Variants in SYNE2 observed in about 807,000 individuals in gnomAD.
SYNE2 encodes spectrin repeat containing nuclear envelope protein 2.
SYNE2 carries 431 observed loss-of-function variants against 856.3 expected under a neutral mutation model. The ratio of observed to expected loss-of-function variants is 0.50; its 90% CI spans 0.47 to 0.55. The LOEUF is 0.55. Among genes scored for constraint, SYNE2 ranks in the 20% least tolerant of loss-of-function variants. The probability of loss-of-function intolerance (pLI) is 0.00; values close to 1 mark genes in which losing one functional copy is unlikely to be tolerated. For synonymous variants in SYNE2, 2,923 were observed against 2,872.3 expected, an observed-to-expected ratio of 1.02 and a Z score of -0.56; for missense variants, 8,129 against 8,023.2, an observed-to-expected ratio of 1.01 and a Z score of -0.50.
At chr14:63,907,270 G>C (rs2095419709) in intron 1 of SYNE2, among the ~76,000 whole-genome samples, 1 of 152,170 alleles carries the variant, frequency 6.6e-6, no homozygotes, top group African/African-American at 2.4e-5. Flanking sequence ...TTGTGCAAAT[G>C]AATGAAAACA....
At chr14:64,021,833 G>T in intron 36 of SYNE2, 24 bp from the exon 37 acceptor site, 1 of 1,612,480 alleles carries the variant, frequency 6.2e-7, no homozygotes, top group Non-Finnish European at 8.5e-7. Context: ...AGATTTAATG[G>T]TTGTTGTTTG....
chr14:64,165,854 A>G (rs2098374671), intron 90 of SYNE2, among the ~76,000 whole-genome samples: 1 of 152,140 alleles, frequency 6.6e-6, no homozygotes, highest in African/African-American at 2.4e-5. Context: ...GCCATTCATT[A>G]CTGTCCTATT....
rs764723734 is a variant in SYNE2, at chr14:64,027,676, A to G, written c.6597A>G (p.Leu2199=). 2.6e-5 allele frequency: 42 copies of G among 1,613,966 alleles called. No homozygotes were observed. The highest frequency in any genetic ancestry group is 3.6e-5 in the Non-Finnish European group (42 of 1,179,936). ...AAGCCCAAGATTTGACATCCTTGCT[A>G]AAGGAGTTAAAATCTCAGGGAAACT... is the stretch of plus-strand genomic sequence containing the variant. ...LKKAQDLTSL[L]KELKSQGNYL... The change falls in exon 43 of 116, where the codon CTA becomes CTG. Residue 2199 remains leucine (L), a synonymous_variant. Coordinates refer to ENST00000555002, the MANE Select transcript of SYNE2 (RefSeq NM_182914.3).
At chr14:64,080,976 A>G (rs1229949782) in intron 56 of SYNE2, among the ~76,000 whole-genome samples, 1 of 152,174 alleles carries the variant, frequency 6.6e-6, no homozygotes, top group Non-Finnish European at 1.5e-5. Flanking sequence ...GGAGACAACA[A>G]TGAGAAAGAC....
intron 49 of SYNE2, among the ~76,000 whole-genome samples, chr14:64,061,015 G>A (rs2097312624): frequency 6.6e-6 from 1 of 152,182 alleles, no homozygotes; most frequent in African/African-American, 2.4e-5. Context: ...GGTGAGGAGT[G>A]GCATCAGCAA....
At chr14:64,098,658 A>G (rs2097696629) in intron 62 of SYNE2, 89 bp from the exon 63 acceptor site, 4 of 1,383,982 alleles carry the variant, frequency 2.9e-6, no homozygotes, top group Non-Finnish European at 4.1e-6. Context: ...TAAGTAAAAA[A>G]TTAGCTACAT....
chr14:63,881,660 A>G (rs1350836860), intron 1 of SYNE2, among the ~76,000 whole-genome samples: 1 of 151,002 alleles, frequency 6.6e-6, no homozygotes, highest in African/African-American at 2.4e-5. Flanking sequence ...AAAAACCCAA[A>G]TTAATTTCTC....
chr14:64,215,529 C>CAA, intron 107 of SYNE2, 175 bp downstream of exon 107: 1 of 726,352 alleles, frequency 1.4e-6, no homozygotes, highest in Middle Eastern at 3.3e-4. Flanking sequence ...GTGCTCCTTA[C>CAA]AAAACCCCAT....
chr14:63,795,824 A>G (rs1262500287), intron 1 of SYNE2, among the ~76,000 whole-genome samples: 3 of 152,236 alleles, frequency 2.0e-5, no homozygotes, highest in South Asian at 2.1e-4. Context: ...AGAACAAACT[A>G]TTAACACAAT....
intron 84 of SYNE2, among the ~76,000 whole-genome samples, chr14:64,151,741 G>A (rs1312315023): frequency 6.6e-6 from 1 of 152,138 alleles, no homozygotes; most frequent in East Asian, 1.9e-4. Context: ...GAGACTTGAG[G>A]GGAATTCAAA....
intron 50 of SYNE2, 88 bp from the exon 51 acceptor site, chr14:64,065,344 T>G: frequency 8.7e-7 from 1 of 1,152,536 alleles, no homozygotes; most frequent in Non-Finnish European, 1.3e-6. Context: ...ATTGAAATAA[T>G]TAATTGTTCA....
In SYNE2 at chr14:64,098,093, G is replaced by A. The variant is rs772564360; in HGVS notation, c.12253G>A (p.Ala4085Thr). Residue 4085 changes from alanine (A) to threonine (T), a missense_variant, in exon 62 of 116, where the codon GCT becomes ACT. Around this residue, in one of 3 missense-constraint regions of SYNE2, gnomAD observed 5,410 missense variants for 5,284.8 expected, o/e 1.02. Coordinates refer to ENST00000555002, the MANE Select transcript of SYNE2 (RefSeq NM_182914.3). Reference sequence around the variant, plus strand: ...AGGAGTAGAAAGAGATAGGCTGCCAGCTGTAACATCAGAGGAAGGTGGAGT... The same window carrying A: ...AGGAGTAGAAAGAGATAGGCTGCCAACTGTAACATCAGAGGAAGGTGGAGT... ...QEGVERDRLP[A>T]VTSEEGGVAE... is the part of the protein sequence containing the mutation. The A allele has an allele frequency of 1.2e-6, 2 of 1,614,180 alleles. No individual in the cohort carries two copies. Among genetic ancestry groups the A allele is most frequent in the Non-Finnish European group, 1.7e-6 (2 of 1,180,022 alleles).
At chr14:64,219,980 A>G (rs929859868) in intron 110 of SYNE2, among the ~76,000 whole-genome samples, 1 of 152,368 alleles carries the variant, frequency 6.6e-6, no homozygotes, top group African/African-American at 2.4e-5. Flanking sequence ...CAGTAGCCTG[A>G]GACCCAGGGC....
At chr14:63,815,241 GAT>G (rs751791953) in intron 1 of SYNE2, among the ~76,000 whole-genome samples, 22 of 85,674 alleles carry the variant, frequency 2.6e-4, no homozygotes, top group South Asian at 3.4e-4. Context: ...TATATATATG[GAT>G]ATATATATAT....
chr14:63,994,477 C>A (rs547515689), intron 22 of SYNE2, among the ~76,000 whole-genome samples: 11 of 152,130 alleles, frequency 7.2e-5, no homozygotes, highest in Non-Finnish European at 1.5e-4. Context: ...TTTAGATTTA[C>A]GGAATTACTG....
intron 1 of SYNE2, among the ~76,000 whole-genome samples, chr14:63,772,779 A>G (rs1886965765): frequency 6.6e-6 from 1 of 151,498 alleles, no homozygotes; most frequent in African/African-American, 2.4e-5. Flanking sequence ...TCTAAGCTAC[A>G]TTACTTTTTT....
At position 63,967,769 on chromosome 14, in the gene SYNE2, TC is replaced by T; in HGVS notation, c.1052del (p.Ser351Ter). The T allele has an allele frequency of 6.2e-7, 1 of 1,614,132 alleles. No individual in the cohort carries two copies. Among genetic ancestry groups the T allele is most frequent in the Non-Finnish European group, 8.5e-7 (1 of 1,179,956 alleles). On this transcript the variant is annotated frameshift_variant, in exon 11 of 116. Transcript: ENST00000555002. LOFTEE classifies it high-confidence loss of function. The part of the protein sequence containing the change: ...EEKKSFLDVL[S>X]IKRDLDELDK... ...AAAAAAGTCCTTTTTGGATGTCCTG[TC>T]AATAAAACGGGATCTGGATGAGCTG...
At chr14:63,776,747 G>T (rs988294411) in intron 1 of SYNE2, among the ~76,000 whole-genome samples, 1 of 151,706 alleles carries the variant, frequency 6.6e-6, no homozygotes, top group Non-Finnish European at 1.5e-5. Flanking sequence ...CTACAAGTGT[G>T]CGCCACCACC....
At chr14:63,795,269 C>T (rs1405818770) in intron 1 of SYNE2, among the ~76,000 whole-genome samples, 1 of 151,974 alleles carries the variant, frequency 6.6e-6, no homozygotes, top group Non-Finnish European at 1.5e-5. Flanking sequence ...TAATCAGCTG[C>T]CAGCGTGGAT....
Sources: allele counts gnomAD v4.1 joint callset (sites outside exome capture counted in the v4.1 genomes callset), GRCh38; gene constraint gnomAD v4.1.1; regional missense constraint gnomAD v4.1.1; transcripts MANE v1.5; gene names NCBI Gene and HGNC (gene_info 2026-07-23, HGNC 2026-07-21).